The following RCAN2 variants were observed in gnomAD, a reference collection of about 807,000 sequenced individuals.
RCAN2 encodes the protein calcipressin-2.
Under a neutral mutation model 23.6 loss-of-function variants are expected in RCAN2, and 9 were observed. The observed-to-expected ratio is 0.38, with a 90% confidence interval of 0.23 to 0.67. The LOEUF (loss-of-function observed/expected upper bound fraction) is 0.67, where lower values mean the gene tolerates loss of function less well. Among genes scored for constraint, RCAN2 ranks in the 30% least tolerant of loss-of-function variants. RCAN2 has a pLI of 0.51. For missense variants in RCAN2, 273 were observed against 302.3 expected, an observed-to-expected ratio of 0.90 and a Z score of 0.72; for synonymous variants, 109 against 115.7, an observed-to-expected ratio of 0.94 and a Z score of 0.37.
intron 2 of RCAN2, among the ~76,000 whole-genome samples, chr6:46,415,817 C>T (rs910140247): frequency 6.6e-6 from 1 of 152,156 alleles, no homozygotes; most frequent in African/African-American, 2.4e-5. Flanking sequence ...CATATACACT[C>T]GTTCCTCAAT....
At chr6:46,245,126 A>C (rs1687697492) in intron 4 of RCAN2, among the ~76,000 whole-genome samples, 2 of 152,238 alleles carry the variant, frequency 1.3e-5, no homozygotes, top group South Asian at 2.1e-4. Context: ...ATCATATTTC[A>C]CTAACATCTC....
chr6:46,255,848 A>G (rs1202707711), intron 2 of RCAN2, among the ~76,000 whole-genome samples: 1 of 152,198 alleles, frequency 6.6e-6, no homozygotes, highest in Non-Finnish European at 1.5e-5. Context: ...ACAACAGTCT[A>G]GAAGCATAGG....
rs539815215 is a variant in RCAN2 at position 46,369,662 on chromosome 6, G to A, written c.225+87090C>T. On this transcript the variant is annotated intron_variant, in intron 2 of 4. Coordinates refer to ENST00000371374, the MANE Select transcript of RCAN2 (RefSeq NM_001251974.2). ...GCAACATTTGCAATTGCAATTTCAC[G>A]TATATGTTTAAGGCTTAGAGAAGAC... Among the ~76,000 whole-genome samples the A allele has an allele frequency of 4.6e-5, 7 of 152,228 alleles. No individual in the cohort carries two copies. The South Asian group carries it at 6.2e-4, about 14-fold the overall frequency.
chr6:46,442,585 C>T (rs1301233141), intron 2 of RCAN2, among the ~76,000 whole-genome samples: 1 of 152,146 alleles, frequency 6.6e-6, no homozygotes, highest in Non-Finnish European at 1.5e-5. Context: ...GTTCCAAGTA[C>T]TCATTTTTGC....
intron 4 of RCAN2, among the ~76,000 whole-genome samples, chr6:46,231,784 T>A (rs1045418450): frequency 6.6e-6 from 1 of 152,096 alleles, no homozygotes; most frequent in African/African-American, 2.4e-5. Flanking sequence ...CTCATTCAGT[T>A]AAGAGTCAGA....
In RCAN2 at chr6:46,254,042, C is replaced by T. The variant is rs144926910; in HGVS notation, c.226-5146G>A. On this transcript the variant is annotated intron_variant, in intron 2 of 4. Transcript: ENST00000371374. Reference sequence around the variant, plus strand: ...CTCAGAACATCTTCCTGAGGTTAAGCGACACATGACTGTACTGCTAGCACA... The same window carrying T: ...CTCAGAACATCTTCCTGAGGTTAAGTGACACATGACTGTACTGCTAGCACA... Among the ~76,000 whole-genome samples the T allele has an allele frequency of 3.2e-4, 48 of 152,286 alleles. No individual in the cohort carries two copies. In the East Asian group the frequency reaches 7.7e-3, roughly 24 times the overall value.
At chr6:46,383,031 T>C (rs1327838663) in intron 2 of RCAN2, among the ~76,000 whole-genome samples, 1 of 152,124 alleles carries the variant, frequency 6.6e-6, no homozygotes, top group African/African-American at 2.4e-5. Context: ...AAATCTTCCC[T>C]CAAGGCGTCT....
intron 2 of RCAN2, among the ~76,000 whole-genome samples, chr6:46,300,323 T>C (rs2150350604): frequency 6.6e-6 from 1 of 152,036 alleles, no homozygotes; most frequent in South Asian, 2.1e-4. Flanking sequence ...GAAAATTCAT[T>C]TTAAATACAA....
At chr6:46,482,854 T>A (rs1471743634) in intron 1 of RCAN2, among the ~76,000 whole-genome samples, 1 of 152,194 alleles carries the variant, frequency 6.6e-6, no homozygotes. Flanking sequence ...ACAAAAGTCT[T>A]TTGATAAATA....
intron 2 of RCAN2, among the ~76,000 whole-genome samples, chr6:46,428,333 A>G: frequency 6.6e-6 from 1 of 152,202 alleles, no homozygotes; most frequent in Non-Finnish European, 1.5e-5. Flanking sequence ...TCACCACAGC[A>G]GCGTCACCTT....
intron 1 of RCAN2, among the ~76,000 whole-genome samples, chr6:46,469,029 A>G (rs1768475969): frequency 1.3e-5 from 2 of 152,164 alleles, no homozygotes; most frequent in Non-Finnish European, 2.9e-5. Context: ...GACGGTTTCT[A>G]TCACACCTCT....
intron 4 of RCAN2, among the ~76,000 whole-genome samples, chr6:46,244,596 T>G (rs1393278402): frequency 1.3e-5 from 2 of 152,222 alleles, no homozygotes; most frequent in Non-Finnish European, 2.9e-5. Flanking sequence ...TCCACATGAG[T>G]GAGCTGGAGT....
chr6:46,435,331 C>T (rs9349359), intron 2 of RCAN2, among the ~76,000 whole-genome samples: 55,846 of 152,072 alleles, frequency 0.37, 12,386 homozygotes, highest in East Asian at 0.59. Context: ...AGAACTGTCA[C>T]TTTTCATGTG....
chr6:46,262,897 T>C (rs1352203668), intron 2 of RCAN2, among the ~76,000 whole-genome samples: 1 of 152,174 alleles, frequency 6.6e-6, no homozygotes, highest in East Asian at 1.9e-4. Context: ...TTTCTAATTG[T>C]CTCTCAAGTC....
chr6:46,327,514 G>C (rs1763831918), intron 2 of RCAN2, among the ~76,000 whole-genome samples: 1 of 152,198 alleles, frequency 6.6e-6, no homozygotes, highest in Non-Finnish European at 1.5e-5. Flanking sequence ...TGGCCAACAT[G>C]AAGTACCAGG....
intron 2 of RCAN2, among the ~76,000 whole-genome samples, chr6:46,259,570 T>TG (rs1208323892): frequency 6.6e-6 from 1 of 152,230 alleles, no homozygotes; most frequent in Non-Finnish European, 1.5e-5. Flanking sequence ...CATTAACACA[T>TG]GGAGTTTTTC....
Position 46,220,741 on chromosome 6 carries a change from T to C in RCAN2, c.*2400A>G, listed in dbSNP as rs1351701972. The C allele has an allele frequency of 6.6e-6, 1 of 152,660 alleles. No homozygotes were observed. The highest frequency in any genetic ancestry group is 1.5e-5 in the Non-Finnish European group (1 of 68,050). The allele number at this position is 152,660 out of a possible 1,614,324, so 9.5% of individuals were successfully genotyped here. A position where few individuals can be genotyped will look rare whatever the true frequency, so the allele number is the denominator to read the frequency against. ...TTAAACCACATGGACAAAGAGTCAT[T>C]CACCAGATATATTTGAAGTCTAAGC... is the stretch of plus-strand genomic sequence containing the variant. On this transcript the variant is annotated 3_prime_UTR_variant, in exon 5 of 5. Coordinates refer to ENST00000371374, the MANE Select transcript of RCAN2 (RefSeq NM_001251974.2).
rs147843044 is a variant in RCAN2 at position 46,278,877 on chromosome 6, C to T, written c.226-29981G>A. On this transcript the variant is annotated intron_variant, in intron 2 of 4. Transcript: ENST00000371374. ...TTTTCTTATCAACTCATCCCTAAAG[C>T]TGCTGTTTCATCCAAATTCTACTCC... 5.5e-3 allele frequency among the ~76,000 whole-genome samples: 838 copies of T among 152,276 alleles called. 8 individuals carry two copies. The highest frequency in any genetic ancestry group is 0.02 in the African/African-American group (814 of 41,546).
chr6:46,294,776 G>A (rs1582075524), intron 2 of RCAN2, among the ~76,000 whole-genome samples: 1 of 152,072 alleles, frequency 6.6e-6, no homozygotes, highest in Admixed American at 6.6e-5. Context: ...TGCTTACCAC[G>A]GTTATATATT....
Sources: gnomAD v4.1 joint callset for allele counts (sites outside exome capture counted in the v4.1 genomes callset) on GRCh38, gnomAD v4.1.1 for gene constraint, MANE v1.5 for transcripts, NCBI Gene and HGNC (gene_info 2026-07-23, HGNC 2026-07-21) for gene names.